Variants in AASDH observed in about 807,000 individuals in gnomAD.
AASDH encodes the protein aminoadipate-semialdehyde dehydrogenase.
Under a neutral mutation model 102.3 loss-of-function variants are expected in AASDH, and 81 were observed. The observed-to-expected ratio is 0.79, with a 90% CI of 0.66 to 0.95. AASDH has a LOEUF of 0.95. Among genes scored for constraint, AASDH ranks in the 40% least tolerant of loss-of-function variants. The probability of loss-of-function intolerance (pLI) is 0.00; values close to 1 mark genes in which losing one functional copy is unlikely to be tolerated. For synonymous variants in AASDH, 398 were observed against 454.0 expected, an observed-to-expected ratio of 0.88 and a Z score of 1.57; for missense variants, 1,203 against 1,266.2, an observed-to-expected ratio of 0.95 and a Z score of 0.76.
chr4:56,382,637 G>A, intron 2 of AASDH, 40 bp from the exon 3 acceptor site: 1 of 1,576,360 alleles, frequency 6.3e-7, no homozygotes, highest in South Asian at 1.2e-5. Flanking sequence ...AATGTCTGTT[G>A]ATTTAGTATT....
Position 56,373,435 on chromosome 4 carries a change from G to A in AASDH, c.669-1792C>T, listed in dbSNP as rs568358204. On this transcript the variant is annotated intron_variant, in intron 4 of 14. Transcript: ENST00000205214. The stretch of plus-strand genomic sequence containing the variant: ...TGGGATTACAGGTGTGAGCCACCGC[G>A]CCTGGCCTCTAGGTTTTATGACTGT... Among the ~76,000 whole-genome samples, 23 of 152,208 alleles carry A rather than the reference G, an allele frequency of 1.5e-4. No homozygotes were observed. In the South Asian group the frequency reaches 2.9e-3, roughly 19 times the overall value.
intron 2 of AASDH, among the ~76,000 whole-genome samples, chr4:56,383,312 C>G (rs1041271629): frequency 6.6e-6 from 1 of 151,982 alleles, no homozygotes; most frequent in Non-Finnish European, 1.5e-5. Context: ...GAGATGGGGT[C>G]TTGTGAAGTC....
In AASDH at chr4:56,353,560, C is replaced by T. The variant is rs1560578717; in HGVS notation, c.1420G>A (p.Val474Ile). The T allele has an allele frequency of 1.2e-6, 2 of 1,612,752 alleles. No individual in the cohort carries two copies. Among genetic ancestry groups the T allele is most frequent in the South Asian group, 1.1e-5 (1 of 90,970 alleles). Residue 474 changes from valine (V) to isoleucine (I), a missense_variant, in exon 9 of 15, where the codon GTT becomes ATT. Transcript: ENST00000205214. ...EELQQVESCAVTWYNQEKLIL... is the reference protein window; with the variant it reads ...EELQQVESCAITWYNQEKLIL... The stretch of plus-strand genomic sequence containing the variant: ...AATTTTTCCTGATTATACCATGTAA[C>T]TGCACAAGACTCCACTTGCTGAAGC...
chr4:56,359,506 C>T (rs542814213), intron 5 of AASDH, among the ~76,000 whole-genome samples: 40 of 152,116 alleles, frequency 2.6e-4, no homozygotes, highest in African/African-American at 9.6e-4. Flanking sequence ...ACTCCCACCT[C>T]GGCCCCCCAG....
At chr4:56,340,402 G>C (rs1308713906) in intron 14 of AASDH, among the ~76,000 whole-genome samples, 1 of 152,142 alleles carries the variant, frequency 6.6e-6, no homozygotes, top group African/African-American at 2.4e-5. Flanking sequence ...TGAGAAAGAT[G>C]TCAAAAATAC....
At chr4:56,362,509 C>T (rs1215387710) in intron 5 of AASDH, among the ~76,000 whole-genome samples, 1 of 152,172 alleles carries the variant, frequency 6.6e-6, no homozygotes, top group African/African-American at 2.4e-5. Flanking sequence ...AGGTGATCCA[C>T]CCACTTTGGC....
intron 14 of AASDH, among the ~76,000 whole-genome samples, chr4:56,341,649 C>T (rs376649258): frequency 6.6e-6 from 1 of 151,170 alleles, no homozygotes; most frequent in Non-Finnish European, 1.5e-5. Flanking sequence ...GATCCTCCCA[C>T]CTCGGCCTCC....
At chr4:56,359,942 G>A (rs1750110531) in intron 5 of AASDH, among the ~76,000 whole-genome samples, 1 of 152,208 alleles carries the variant, frequency 6.6e-6, no homozygotes, top group Non-Finnish European at 1.5e-5. Context: ...TAGACAGACT[G>A]TCCAAGTGTG....
chr4:56,363,392 C>T (rs1473012768), intron 5 of AASDH, among the ~76,000 whole-genome samples: 2 of 152,224 alleles, frequency 1.3e-5, no homozygotes, highest in Admixed American at 6.5e-5. Flanking sequence ...TCCCAGCATG[C>T]AGCTTCAGAT....
chr4:56,387,108 C>G (rs943587001), intron 1 of AASDH, among the ~76,000 whole-genome samples: 2 of 152,160 alleles, frequency 1.3e-5, no homozygotes, highest in African/African-American at 2.4e-5. Context: ...CGAAACCACT[C>G]TAGGGGGTAG....
chr4:56,383,180 A>G (rs1753174459), intron 2 of AASDH, among the ~76,000 whole-genome samples: 1 of 152,206 alleles, frequency 6.6e-6, no homozygotes, highest in South Asian at 2.1e-4. Context: ...AAAGTTAAGC[A>G]TTTTAAGTAG....
chr4:56,368,993 A>T (rs535314109), intron 5 of AASDH, among the ~76,000 whole-genome samples: 1 of 152,158 alleles, frequency 6.6e-6, no homozygotes, highest in Non-Finnish European at 1.5e-5. Flanking sequence ...AAAGGAAAGG[A>T]CAGCCTGTCA....
At chr4:56,385,359 A>ATTATAT (rs1753429175) in intron 1 of AASDH, among the ~76,000 whole-genome samples, 1 of 152,246 alleles carries the variant, frequency 6.6e-6, no homozygotes, top group Non-Finnish European at 1.5e-5. Flanking sequence ...AAGTTCACTT[A>ATTATAT]GACTGAAAAT....
rs186926735 is a variant in AASDH at position 56,358,173 on chromosome 4, T to C, written c.862-2750A>G. Among the ~76,000 whole-genome samples, 104 of 152,122 alleles carry C rather than the reference T, an allele frequency of 6.8e-4. 1 individual carries two copies. The East Asian group carries it at 0.018, about 26-fold the overall frequency. ...TACAAATATATATATAGAAATACAA[T>C]TGATTTTTGTATATTGATCTTCTAT... is the stretch of plus-strand genomic sequence containing the variant. On this transcript the variant is annotated intron_variant, in intron 5 of 14. Transcript: ENST00000205214.
intron 11 of AASDH, among the ~76,000 whole-genome samples, chr4:56,346,266 T>A (rs1049583928): frequency 8.5e-5 from 13 of 152,206 alleles, no homozygotes; most frequent in African/African-American, 3.1e-4. Flanking sequence ...TGAGGCCCAA[T>A]TCCCAATGTA....
intron 5 of AASDH, among the ~76,000 whole-genome samples, chr4:56,366,769 G>A (rs1194206725): frequency 6.6e-6 from 1 of 151,360 alleles, no homozygotes; most frequent in Non-Finnish European, 1.5e-5. Context: ...ATATCATACT[G>A]AATGGACAAA....
intron 5 of AASDH, among the ~76,000 whole-genome samples, chr4:56,364,272 G>A (rs184534544): frequency 3.9e-5 from 6 of 152,242 alleles, no homozygotes; most frequent in Non-Finnish European, 8.8e-5. Flanking sequence ...AGGGAGAATG[G>A]AACCAAGTTG....
intron 4 of AASDH, among the ~76,000 whole-genome samples, chr4:56,376,092 C>T (rs182060738): frequency 1.5e-4 from 21 of 142,726 alleles, no homozygotes; most frequent in South Asian, 1.4e-3. Flanking sequence ...GGTGCAATAA[C>T]GGATCACTGC....
Position 56,349,589 on chromosome 4 carries a change from C to T in AASDH, c.2162G>A (p.Gly721Asp), listed in dbSNP as rs532495158. The T allele has an allele frequency of 1.9e-6, 3 of 1,614,154 alleles. No individual in the cohort carries two copies. The South Asian group carries it at 3.3e-5, about 18-fold the overall frequency. The change falls in exon 11 of 15, where the codon GGC becomes GAC. Residue 721 changes from glycine to aspartate, a missense_variant. By Grantham distance (94) the Gly-to-Asp change is moderately conservative. Transcript: ENST00000205214. ...CCCAATAAGAACTGGAGAATTTAAGCCTTTCAAATTTTGAATGTTGGTCTG... is the reference window on the plus strand; with the variant it reads ...CCCAATAAGAACTGGAGAATTTAAGTCTTTCAAATTTTGAATGTTGGTCTG... ...VSQTNIQNLK[G>D]LNSPVLIGKS...
Sources: allele counts gnomAD v4.1 joint callset (sites outside exome capture counted in the v4.1 genomes callset), GRCh38; gene constraint gnomAD v4.1.1; transcripts MANE v1.5; gene names NCBI Gene and HGNC (gene_info 2026-07-23, HGNC 2026-07-21).